RWDD1: variants seen among roughly 807,000 people sequenced by gnomAD.
RWDD1 encodes the protein RWD domain containing 1, also known as RWD domain-containing protein 1.
A neutral mutation model predicts 31.6 loss-of-function variants in RWDD1; 17 were observed. The observed-to-expected ratio is 0.54, with a 90% CI of 0.37 to 0.81. The LOEUF (loss-of-function observed/expected upper bound fraction) is 0.81. RWDD1 is among the 30% of genes least tolerant of loss of function. RWDD1 has a pLI of 0.00. For synonymous variants in RWDD1, 78 were observed against 94.2 expected, an observed-to-expected ratio of 0.83 and a Z score of 0.99; for missense variants, 204 against 274.5, an observed-to-expected ratio of 0.74 and a Z score of 1.82.
At chr6:116,589,161 T>C (rs1323127385) in intron 4 of RWDD1, among the ~76,000 whole-genome samples, 176 bp downstream of exon 4, 2 of 152,106 alleles carry the variant, frequency 1.3e-5, no homozygotes, top group African/African-American at 4.8e-5. Context: ...GTTGGTGGCA[T>C]AGCATGAGTA....
At chr6:116,589,602 A>G (rs567650530) in intron 4 of RWDD1, among the ~76,000 whole-genome samples, 3 of 152,204 alleles carry the variant, frequency 2.0e-5, no homozygotes, top group African/African-American at 4.8e-5. Flanking sequence ...TATTCAAAAC[A>G]TATCAGTTTT....
At chr6:116,586,334 C>G (rs184446766) in intron 3 of RWDD1, among the ~76,000 whole-genome samples, 1 of 152,050 alleles carries the variant, frequency 6.6e-6, no homozygotes, top group East Asian at 1.9e-4. Context: ...TTGATGTGAT[C>G]TAGTGTGAGA....
intron 2 of RWDD1, 23 bp from the exon 3 acceptor site, chr6:116,584,704 C>A: frequency 7.5e-6 from 12 of 1,603,692 alleles, no homozygotes; most frequent in Non-Finnish European, 1.0e-5. Context: ...GTATTCACAT[C>A]AAACTCTTAT....
At chr6:116,584,415 C>G (rs767676903) in intron 2 of RWDD1, among the ~76,000 whole-genome samples, 1 of 152,100 alleles carries the variant, frequency 6.6e-6, no homozygotes, top group Non-Finnish European at 1.5e-5. Context: ...GTATTCAGTG[C>G]CTTTGTTTAT....
At chr6:116,571,855 A>C (rs568833363) in intron 1 of RWDD1, among the ~76,000 whole-genome samples, 200 bp downstream of exon 1, 1 of 152,016 alleles carries the variant, frequency 6.6e-6, no homozygotes, top group Admixed American at 6.5e-5. Context: ...TTGTTCCCGG[A>C]AATCTAAAAG....
At chr6:116,589,261 G>C (rs901473979) in intron 4 of RWDD1, among the ~76,000 whole-genome samples, 10 of 152,078 alleles carry the variant, frequency 6.6e-5, no homozygotes, top group Non-Finnish European at 1.0e-4. Context: ...AGCCAGGGGT[G>C]TCCAATTTTT....
At chr6:116,580,583 T>C (rs1396015487) in intron 2 of RWDD1, among the ~76,000 whole-genome samples, 1 of 152,152 alleles carries the variant, frequency 6.6e-6, no homozygotes, top group East Asian at 1.9e-4. Context: ...AAGCTTAGTT[T>C]TTAAAAGTGA....
chr6:116,589,957 C>T (rs1025551312), intron 4 of RWDD1, among the ~76,000 whole-genome samples: 1 of 152,120 alleles, frequency 6.6e-6, no homozygotes, highest in African/African-American at 2.4e-5. Flanking sequence ...GGTGGGGACA[C>T]AGCCAAACCA....
At chr6:116,576,454 C>G (rs1774843082) in intron 1 of RWDD1, among the ~76,000 whole-genome samples, 1 of 152,140 alleles carries the variant, frequency 6.6e-6, no homozygotes, top group Non-Finnish European at 1.5e-5. Context: ...CCCTGTAGTT[C>G]TTTTGTTCCC....
Position 116,593,905 on chromosome 6 carries a change from AC to A in RWDD1, c.*805del, listed in dbSNP as rs1381099344. On this transcript the variant is annotated 3_prime_UTR_variant, in exon 7 of 7. Coordinates refer to ENST00000466444, the MANE Select transcript of RWDD1 (RefSeq NM_015952.4). ...GCTTGCAGTGAGCCGAGATCACGCCACTGCACTCCAGCCTGGGCAACAGAGC... is the reference window on the plus strand; with the variant it reads ...GCTTGCAGTGAGCCGAGATCACGCCATGCACTCCAGCCTGGGCAACAGAGC... 1 of 151,908 alleles carries A rather than the reference AC, an allele frequency of 6.6e-6. No homozygotes were observed. Among genetic ancestry groups the A allele is most frequent in the Non-Finnish European group, 1.5e-5 (1 of 68,040 alleles). 9.4% of individuals were successfully genotyped at this position (151,908 alleles called of 1,614,324 possible).
At chr6:116,591,750 T>G (rs1276895139) in intron 6 of RWDD1, among the ~76,000 whole-genome samples, 1 of 152,252 alleles carries the variant, frequency 6.6e-6, no homozygotes, top group Non-Finnish European at 1.5e-5. Context: ...ACTCTAGAGT[T>G]CCGTACTTCA....
At position 116,588,985 on chromosome 6, in the gene RWDD1, G is replaced by T; in HGVS notation, c.414G>T (p.Lys138Asn). The change falls in exon 4 of 7, where the codon AAG (lysine) becomes AAT (asparagine). Residue 138 changes from lysine (K) to asparagine (N), a missense_variant and splice_region_variant. Coordinates refer to ENST00000466444, the MANE Select transcript of RWDD1 (RefSeq NM_015952.4). ...AAAAAGAAGCAGAAGAAGCTGAAAAGGTATATTTAAAAGCCTTGTTTTCTT... is the reference window on the plus strand; with the variant it reads ...AAAAAGAAGCAGAAGAAGCTGAAAATGTATATTTAAAAGCCTTGTTTTCTT... ...QKEKEAEEAE[K>N]QLFHGTPVTI... The T allele has an allele frequency of 7.4e-7, 1 of 1,354,232 alleles. No individual in the cohort carries two copies. The highest frequency in any genetic ancestry group is 2.1e-5 in the South Asian group (1 of 48,512). 83.9% of individuals were successfully genotyped at this position (1,354,232 alleles called of 1,614,324 possible).
intron 6 of RWDD1, 116 bp from the exon 7 acceptor site, chr6:116,592,863 TC>T: frequency 1.7e-6 from 2 of 1,144,698 alleles, no homozygotes; most frequent in Non-Finnish European, 2.5e-6. Flanking sequence ...ATTTCATCAC[TC>T]CTACCTCATA....
intron 2 of RWDD1, 93 bp from the exon 3 acceptor site, chr6:116,584,634 A>T (rs1317294620): frequency 8.9e-7 from 1 of 1,120,982 alleles, no homozygotes; most frequent in Non-Finnish European, 1.3e-6. Flanking sequence ...TCTTTGTAGG[A>T]AAATCTATTG....
chr6:116,592,645 A>AAT (rs1459789777), intron 6 of RWDD1, among the ~76,000 whole-genome samples: 1 of 152,238 alleles, frequency 6.6e-6, no homozygotes, highest in African/African-American at 2.4e-5. Context: ...CTCCTCATAC[A>AAT]GGTCCCATGA....
intron 1 of RWDD1, chr6:116,572,875 A>G (rs1040288518): frequency 1.0e-6 from 1 of 985,470 alleles, no homozygotes; most frequent in Non-Finnish European, 1.2e-6. Context: ...TCTCTCAGCT[A>G]TCCCTGTATA....
chr6:116,582,253 G>GTTT (rs35838384), intron 2 of RWDD1, among the ~76,000 whole-genome samples: 3 of 140,444 alleles, frequency 2.1e-5, no homozygotes, highest in African/African-American at 5.1e-5. Context: ...AGTAGAATCA[G>GTTT]TTTTTTTTTT....
At chr6:116,587,242 A>G (rs889002005) in intron 3 of RWDD1, among the ~76,000 whole-genome samples, 2 of 152,184 alleles carry the variant, frequency 1.3e-5, no homozygotes, top group Non-Finnish European at 2.9e-5. Flanking sequence ...GAAAAATACT[A>G]TGACAGAATC....
At position 116,596,092 on chromosome 6, in the gene RWDD1, G is replaced by T. The variant is rs1232517399; in HGVS notation, c.*2991G>T. Reference sequence around the variant, plus strand: ...TATTTGTGTGGCAGCCCTTTTAGGTGTAATGAAGTGTAACAGAAAAGTAAG... The same window carrying T: ...TATTTGTGTGGCAGCCCTTTTAGGTTTAATGAAGTGTAACAGAAAAGTAAG... On this transcript the variant is annotated 3_prime_UTR_variant, in exon 7 of 7. Coordinates refer to ENST00000466444, the MANE Select transcript of RWDD1 (RefSeq NM_015952.4). 5 of 152,226 alleles carry T rather than the reference G, an allele frequency of 3.3e-5. No homozygotes were observed. The highest frequency in any genetic ancestry group is 1.2e-4 in the African/African-American group (5 of 41,468). 9.4% of individuals were successfully genotyped at this position (152,226 alleles called of 1,614,324 possible).
Sources: allele counts gnomAD v4.1 joint callset (sites outside exome capture counted in the v4.1 genomes callset), GRCh38; gene constraint gnomAD v4.1.1; transcripts MANE v1.5; gene names NCBI Gene and HGNC (gene_info 2026-07-23, HGNC 2026-07-21).